DACH1: variants seen among roughly 807,000 people sequenced by gnomAD.
DACH1 encodes dachshund family transcription factor 1.
A neutral mutation model predicts 54.2 loss-of-function variants in DACH1; 12 were observed. The ratio of observed to expected loss-of-function variants is 0.22; its 90% CI spans 0.14 to 0.36. The LOEUF (loss-of-function observed/expected upper bound fraction) is 0.36, where lower values mean the gene tolerates loss of function less well. Among genes scored for constraint, DACH1 ranks in the 10% least tolerant of loss-of-function variants. The pLI is 1.00. For synonymous variants in DACH1, 386 were observed against 366.2 expected, an observed-to-expected ratio of 1.05 and a Z score of -0.62; for missense variants, 805 against 929.8, an observed-to-expected ratio of 0.87 and a Z score of 1.75.
chr13:71,474,834 C>T (rs1877375183), intron 10 of DACH1, among the ~76,000 whole-genome samples: 1 of 152,218 alleles, frequency 6.6e-6, no homozygotes, highest in Non-Finnish European at 1.5e-5. Flanking sequence ...TAAACCCTTC[C>T]TGCATTAGAC....
At chr13:71,756,730 T>C (rs911032657) in intron 1 of DACH1, among the ~76,000 whole-genome samples, 4 of 152,058 alleles carry the variant, frequency 2.6e-5, no homozygotes, top group Non-Finnish European at 4.4e-5. Flanking sequence ...GAAATATAAA[T>C]TCAGATTTTT....
intron 1 of DACH1, among the ~76,000 whole-genome samples, chr13:71,806,070 G>A (rs1167817640): frequency 6.6e-6 from 1 of 152,126 alleles, no homozygotes; most frequent in African/African-American, 2.4e-5. Context: ...GTCTCCCAAA[G>A]TGCTGGGATT....
In DACH1 at chr13:71,732,418, G is replaced by A. The variant is rs1175188530; in HGVS notation, c.849-50508C>T. ...TGGCCAACATGGTGAAACCCCATCT[G>A]TACTAAAAATACAAAAATTAGCTGG... On this transcript the variant is annotated intron_variant, in intron 1 of 10. Transcript: ENST00000613252. Among the ~76,000 whole-genome samples the A allele has an allele frequency of 1.0e-3, 158 of 151,572 alleles. 1 individual carries two copies. The highest frequency in any genetic ancestry group is 3.1e-4 in the Non-Finnish European group (21 of 67,830).
intron 6 of DACH1, among the ~76,000 whole-genome samples, chr13:71,489,393 C>G (rs981872750): frequency 6.6e-6 from 1 of 152,024 alleles, no homozygotes; most frequent in African/African-American, 2.4e-5. Flanking sequence ...TTTACAGTGC[C>G]ATAGAATCTT....
chr13:71,657,458 A>G (rs1355337723), intron 2 of DACH1, among the ~76,000 whole-genome samples: 2 of 151,442 alleles, frequency 1.3e-5, no homozygotes, highest in Non-Finnish European at 2.9e-5. Context: ...CAGTGATCAC[A>G]CCACTGCACT....
At chr13:71,538,322 T>C (rs1882931564) in intron 6 of DACH1, among the ~76,000 whole-genome samples, 1 of 151,956 alleles carries the variant, frequency 6.6e-6, no homozygotes, top group Non-Finnish European at 1.5e-5. Context: ...TTAGGGTAGA[T>C]AATCCCAACT....
intron 1 of DACH1, among the ~76,000 whole-genome samples, chr13:71,860,239 C>A (rs1874263105): frequency 6.6e-6 from 1 of 151,306 alleles, no homozygotes; most frequent in African/African-American, 2.4e-5. Context: ...CACACACACA[C>A]ATGCATGCAG....
At chr13:71,838,372 G>A (rs988080222) in intron 1 of DACH1, among the ~76,000 whole-genome samples, 1 of 152,142 alleles carries the variant, frequency 6.6e-6, no homozygotes, top group African/African-American at 2.4e-5. Flanking sequence ...AACTGTCATA[G>A]CTTTGTACAT....
chr13:71,818,945 G>A (rs897028777), intron 1 of DACH1, among the ~76,000 whole-genome samples: 2 of 152,284 alleles, frequency 1.3e-5, no homozygotes, highest in South Asian at 2.1e-4. Context: ...ATCCATCAAG[G>A]TCTCTATAGA....
intron 1 of DACH1, among the ~76,000 whole-genome samples, chr13:71,754,398 T>C (rs1459157319): frequency 3.9e-5 from 6 of 152,222 alleles, no homozygotes; most frequent in Non-Finnish European, 7.3e-5. Flanking sequence ...ATCTGTACTA[T>C]GGTATGTACA....
At chr13:71,491,759 C>T (rs966081210) in intron 6 of DACH1, among the ~76,000 whole-genome samples, 7 of 152,118 alleles carry the variant, frequency 4.6e-5, no homozygotes, top group African/African-American at 1.7e-4. Flanking sequence ...CAATTAATAT[C>T]ATAGAAGATT....
chr13:71,486,715 A>G (rs562360794), intron 7 of DACH1, among the ~76,000 whole-genome samples: 22 of 152,334 alleles, frequency 1.4e-4, no homozygotes, highest in Middle Eastern at 3.4e-3. Context: ...TGCATATTAG[A>G]CATACATATA....
chr13:71,506,655 A>G (rs1467303438), intron 6 of DACH1, among the ~76,000 whole-genome samples: 3 of 152,086 alleles, frequency 2.0e-5, no homozygotes, highest in Non-Finnish European at 4.4e-5. Flanking sequence ...ACTTCAAACT[A>G]TACTACAAGG....
At chr13:71,472,010 T>A (rs1877125619) in intron 10 of DACH1, among the ~76,000 whole-genome samples, 1 of 152,072 alleles carries the variant, frequency 6.6e-6, no homozygotes, top group Non-Finnish European at 1.5e-5. Context: ...ATTCAAAAGA[T>A]CTTAGAGAAA....
intron 1 of DACH1, among the ~76,000 whole-genome samples, chr13:71,830,890 A>G (rs549616847): frequency 8.6e-5 from 13 of 152,004 alleles, no homozygotes; most frequent in Admixed American, 3.3e-4. Context: ...CTTCTTCACA[A>G]TCAAATTCAG....
At chr13:71,551,603 C>A (rs1266704976) in intron 6 of DACH1, among the ~76,000 whole-genome samples, 1 of 152,084 alleles carries the variant, frequency 6.6e-6, no homozygotes, top group African/African-American at 2.4e-5. Context: ...TAGTTCCATT[C>A]ATGTTGCTGC....
rs113339273 is a variant in DACH1, at chr13:71,786,013, A to G, written c.848+79909T>C. ...CATTGGTGGACAACAGCTTGGAACA[A>G]GGCAAATGTGAATAAAAGGAGGCTG... On this transcript the variant is annotated intron_variant, in intron 1 of 10. Coordinates refer to ENST00000613252, the MANE Select transcript of DACH1 (RefSeq NM_080759.6). Among the ~76,000 whole-genome samples the G allele has an allele frequency of 4.3e-3, 659 of 152,278 alleles. 3 individuals carry two copies. Among genetic ancestry groups the G allele is most frequent in the African/African-American group, 0.015 (625 of 41,574 alleles).
intron 2 of DACH1, among the ~76,000 whole-genome samples, chr13:71,637,593 C>A (rs1318923655): frequency 1.3e-5 from 2 of 152,086 alleles, no homozygotes; most frequent in African/African-American, 4.8e-5. Context: ...AGTTTAAATT[C>A]TATATTCTAA....
At chr13:71,753,437 G>T (rs970193062) in intron 1 of DACH1, among the ~76,000 whole-genome samples, 16 of 152,074 alleles carry the variant, frequency 1.1e-4, no homozygotes, top group Non-Finnish European at 2.4e-4. Flanking sequence ...TGCAAAAAAA[G>T]GCTAATCCTT....
Sources: gnomAD v4.1 joint callset for allele counts (sites outside exome capture counted in the v4.1 genomes callset) on GRCh38, gnomAD v4.1.1 for gene constraint, MANE v1.5 for transcripts, NCBI Gene and HGNC (gene_info 2026-07-23, HGNC 2026-07-21) for gene names.